The following TMEM132C variants were observed in gnomAD, a reference collection of about 807,000 sequenced individuals.
TMEM132C encodes protein phosphatase 1, regulatory subunit 152.
In TMEM132C, 29 loss-of-function variants were observed where a neutral mutation model predicts 61.4. The ratio of observed to expected loss-of-function variants is 0.47; its 90% CI spans 0.35 to 0.64. TMEM132C has a LOEUF of 0.64. Among genes scored for constraint, TMEM132C ranks in the 30% least tolerant of loss-of-function variants. The pLI, the probability that TMEM132C is intolerant of heterozygous loss-of-function variation, is 0.00. For synonymous variants in TMEM132C, 656 were observed against 633.1 expected, an observed-to-expected ratio of 1.04 and a Z score of -0.54; for missense variants, 1,408 against 1,476.9, an observed-to-expected ratio of 0.95 and a Z score of 0.76.
intron 3 of TMEM132C, among the ~76,000 whole-genome samples, chr12:128,555,096 G>A (rs1185260443): frequency 4.6e-5 from 7 of 152,178 alleles, no homozygotes; most frequent in African/African-American, 1.4e-4. Flanking sequence ...CTCTGCTGCA[G>A]GGGAGAAAAG....
intron 5 of TMEM132C, among the ~76,000 whole-genome samples, chr12:128,688,677 C>A (rs11059831): frequency 0.58 from 87,883 of 151,936 alleles, 26,733 homozygotes; most frequent in Middle Eastern, 0.68. Context: ...AAGGATCCAG[C>A]AAGGCTGAAA....
chr12:128,267,946 GC>G (rs1428219211), intron 1 of TMEM132C, among the ~76,000 whole-genome samples: 2 of 152,232 alleles, frequency 1.3e-5, no homozygotes, highest in Non-Finnish European at 2.9e-5. Context: ...GCACTGTGGG[GC>G]TGGTGCTCCA....
At chr12:128,322,051 T>A (rs1872352316) in intron 1 of TMEM132C, among the ~76,000 whole-genome samples, 1 of 152,234 alleles carries the variant, frequency 6.6e-6, no homozygotes, top group South Asian at 2.1e-4. Context: ...TACTTCTCAA[T>A]AAGAGATAGA....
intron 2 of TMEM132C, among the ~76,000 whole-genome samples, chr12:128,444,466 G>A (rs561416140): frequency 6.6e-6 from 1 of 152,194 alleles, no homozygotes; most frequent in East Asian, 1.9e-4. Context: ...TTGTAAAGAT[G>A]CCCTTGATGT....
At chr12:128,666,229 GCA>G (rs1458882063) in intron 4 of TMEM132C, among the ~76,000 whole-genome samples, 2 of 120,064 alleles carry the variant, frequency 1.7e-5, no homozygotes, top group African/African-American at 6.5e-5. Flanking sequence ...ACACACACAG[GCA>G]CACACACATT....
At chr12:128,602,582 C>T (rs1202831446) in intron 3 of TMEM132C, among the ~76,000 whole-genome samples, 1 of 152,208 alleles carries the variant, frequency 6.6e-6, no homozygotes, top group Non-Finnish European at 1.5e-5. Flanking sequence ...CCCTGAAATT[C>T]ACCAAGGCAT....
Position 128,528,753 on chromosome 12 carries a change from C to G in TMEM132C, c.975-15204C>G, listed in dbSNP as rs149094109. Among the ~76,000 whole-genome samples, 96 of 152,272 alleles carry G rather than the reference C, an allele frequency of 6.3e-4. 1 individual carries two copies. Among genetic ancestry groups the G allele is most frequent in the African/African-American group, 2.1e-3 (89 of 41,556 alleles). ...TGCCTCCAGACATTGCTCAGTGTCC[C>G]CTGGAGCACAGAACACCCCTGAGAA... is the stretch of plus-strand genomic sequence containing the variant. On this transcript the variant is annotated intron_variant, in intron 2 of 8. Transcript: ENST00000435159.
chr12:128,272,087 T>C (rs1199417043), intron 1 of TMEM132C, among the ~76,000 whole-genome samples: 1 of 152,226 alleles, frequency 6.6e-6, no homozygotes, highest in Non-Finnish European at 1.5e-5. Flanking sequence ...TGTATAGTTC[T>C]AAGTTTCGAC....
At chr12:128,422,594 C>G (rs1869027405) in intron 2 of TMEM132C, among the ~76,000 whole-genome samples, 1 of 152,202 alleles carries the variant, frequency 6.6e-6, no homozygotes, top group African/African-American at 2.4e-5. Context: ...TTATACTCTG[C>G]TGCTAACGTG....
chr12:128,697,357 A>T lies in TMEM132C; in HGVS notation c.2063A>T (p.Asn688Ile). Residue 688 changes from asparagine to isoleucine, a missense_variant, in exon 8 of 9, where the codon AAC becomes ATC. By Grantham distance (149) the Asn-to-Ile change is moderately radical (BLOSUM62 -3). Coordinates refer to ENST00000435159, the MANE Select transcript of TMEM132C (RefSeq NM_001136103.3). ...GTCGCCCTTTACCCCAACGCAGAAA[A>T]CAGCAAGGCCGTAACAGCTGTGGTC... Reference protein sequence around the residue: ...LSVALYPNAENSKAVTAVVTA... With the variant: ...LSVALYPNAEISKAVTAVVTA... 6.4e-7 allele frequency: 1 copy of T among 1,551,156 alleles called. No homozygotes were observed. Among genetic ancestry groups the T allele is most frequent in the Non-Finnish European group, 8.7e-7 (1 of 1,146,662 alleles).
intron 5 of TMEM132C, among the ~76,000 whole-genome samples, chr12:128,685,030 A>G (rs952057383): frequency 5.9e-5 from 9 of 152,134 alleles, no homozygotes; most frequent in Non-Finnish European, 1.3e-4. Flanking sequence ...AATGTCCTGA[A>G]ACGGTGGCCC....
chr12:128,390,161 A>G (rs1461447574), intron 1 of TMEM132C, among the ~76,000 whole-genome samples: 3 of 152,126 alleles, frequency 2.0e-5, no homozygotes, highest in East Asian at 3.9e-4. Flanking sequence ...GTGAGCCACC[A>G]CACCCGGCAG....
chr12:128,660,396 G>C (rs868829050), intron 4 of TMEM132C, among the ~76,000 whole-genome samples: 1 of 152,170 alleles, frequency 6.6e-6, no homozygotes, highest in African/African-American at 2.4e-5. Flanking sequence ...GAGAATGTAA[G>C]GTCTGGGCAC....
intron 3 of TMEM132C, among the ~76,000 whole-genome samples, chr12:128,560,274 T>G (rs1264095618): frequency 1.3e-5 from 2 of 152,164 alleles, no homozygotes; most frequent in African/African-American, 4.8e-5. Context: ...TCCTGTTGGC[T>G]CAATCTTTGC....
chr12:128,686,275 G>A (rs1304740395), intron 5 of TMEM132C, among the ~76,000 whole-genome samples: 1 of 152,184 alleles, frequency 6.6e-6, no homozygotes, highest in Non-Finnish European at 1.5e-5. Flanking sequence ...AAGGCTACAC[G>A]TGGTGGTTAC....
At chr12:128,412,870 C>T (rs1868609332) in intron 1 of TMEM132C, among the ~76,000 whole-genome samples, 1 of 152,152 alleles carries the variant, frequency 6.6e-6, no homozygotes, top group Non-Finnish European at 1.5e-5. Context: ...GAAAGCACTC[C>T]ATATTGCTTC....
chr12:128,600,324 C>G (rs1274073911), intron 3 of TMEM132C, among the ~76,000 whole-genome samples: 5 of 152,036 alleles, frequency 3.3e-5, no homozygotes, highest in African/African-American at 1.2e-4. Context: ...CTTTTTTGCT[C>G]AGCACTTCTC....
At chr12:128,566,303 A>G (rs974603586) in intron 3 of TMEM132C, among the ~76,000 whole-genome samples, 1 of 152,154 alleles carries the variant, frequency 6.6e-6, no homozygotes, top group Non-Finnish European at 1.5e-5. Flanking sequence ...ATGAGGATGA[A>G]CATAGGTCTA....
At chr12:128,567,724 T>C (rs1442769256) in intron 3 of TMEM132C, among the ~76,000 whole-genome samples, 1 of 152,128 alleles carries the variant, frequency 6.6e-6, no homozygotes, top group Non-Finnish European at 1.5e-5. Flanking sequence ...GATAGGCATA[T>C]CGTCTCCACC....
Sources: allele counts gnomAD v4.1 joint callset (sites outside exome capture counted in the v4.1 genomes callset), GRCh38; gene constraint gnomAD v4.1.1; transcripts MANE v1.5; gene names NCBI Gene and HGNC (gene_info 2026-07-23, HGNC 2026-07-21).